CNTN4: variants seen among roughly 807,000 people sequenced by gnomAD.
The protein encoded by CNTN4 is contactin-4.
A neutral mutation model predicts 122.5 loss-of-function variants in CNTN4; 77 were observed. That is an observed-to-expected ratio of 0.63 (90% CI 0.52 to 0.76). The LOEUF (loss-of-function observed/expected upper bound fraction) is 0.76, where lower values mean the gene tolerates loss of function less well. Ranked by LOEUF, CNTN4 falls within the 30% of genes least tolerant of loss-of-function variation. The pLI is 0.00. For missense variants in CNTN4, 1,256 were observed against 1,259.1 expected (o/e 1.00, Z 0.04); for synonymous variants, 512 against 447.0 (o/e 1.15, Z -1.83).
At chr3:2,837,531 C>G (rs1219130791) in intron 7 of CNTN4, among the ~76,000 whole-genome samples, 2 of 152,160 alleles carry the variant, frequency 1.3e-5, no homozygotes, top group African/African-American at 2.4e-5. Context: ...CAGCAACGGT[C>G]AGACTACTTG....
At chr3:2,786,802 G>A (rs1326028277) in intron 6 of CNTN4, among the ~76,000 whole-genome samples, 1 of 152,168 alleles carries the variant, frequency 6.6e-6, no homozygotes, top group Non-Finnish European at 1.5e-5. Flanking sequence ...TCTGTGAAGT[G>A]CAATTGAATG....
intron 2 of CNTN4, among the ~76,000 whole-genome samples, chr3:2,176,001 G>A (rs756909164): frequency 1.3e-5 from 2 of 152,124 alleles, no homozygotes; most frequent in Non-Finnish European, 2.9e-5. Flanking sequence ...TTTATTCCAT[G>A]TATGTGAAAA....
At chr3:2,737,441 C>G (rs1394280411) in intron 5 of CNTN4, among the ~76,000 whole-genome samples, 1 of 152,156 alleles carries the variant, frequency 6.6e-6, no homozygotes, top group Non-Finnish European at 1.5e-5. Context: ...ATGATTGTTT[C>G]CTGAAAAGCT....
chr3:2,787,237 G>A lies in CNTN4; in HGVS notation c.359-32249G>A, dbSNP rs1364884119. ...ATTAAAAATACAAAAACAGCCAGTC[G>A]TGGTGGCGGGCGCCTGTAGTCCCAG... On this transcript the variant is annotated intron_variant, in intron 6 of 24. Coordinates refer to ENST00000418658, the MANE Select transcript of CNTN4 (RefSeq NM_175607.3). Among the ~76,000 whole-genome samples, 4 of 152,172 alleles carry A rather than the reference G, an allele frequency of 2.6e-5. No homozygotes were observed. In the South Asian group the frequency reaches 6.2e-4, roughly 24 times the overall value.
rs185105935 is a variant in CNTN4, at chr3:3,019,371, A to T, written c.1487-6731A>T. On this transcript the variant is annotated intron_variant, in intron 14 of 24. Coordinates refer to ENST00000418658, the MANE Select transcript of CNTN4 (RefSeq NM_175607.3). Reference sequence around the variant, plus strand: ...CCAGGCTGGAGTGCATTGGTGCGACACTGCAACCTCCACCTCCTGAGTTCA... The same window carrying T: ...CCAGGCTGGAGTGCATTGGTGCGACTCTGCAACCTCCACCTCCTGAGTTCA... Among the ~76,000 whole-genome samples, 920 of 152,222 alleles carry T rather than the reference A, an allele frequency of 6.0e-3. 9 individuals are homozygous for T. The highest frequency in any genetic ancestry group is 0.021 in the African/African-American group (855 of 41,530).
chr3:2,702,544 A>G (rs1206031422), intron 4 of CNTN4, among the ~76,000 whole-genome samples: 1 of 152,248 alleles, frequency 6.6e-6, no homozygotes, highest in African/African-American at 2.4e-5. Context: ...CATGCAGATA[A>G]TTAGGCAAAA....
intron 5 of CNTN4, among the ~76,000 whole-genome samples, chr3:2,737,687 T>A (rs2089217838): frequency 6.6e-6 from 1 of 152,178 alleles, no homozygotes; most frequent in South Asian, 2.1e-4. Flanking sequence ...AAACTACAAG[T>A]ATGAATTGAG....
intron 3 of CNTN4, among the ~76,000 whole-genome samples, chr3:2,423,199 TTGCC>T (rs1313737284): frequency 1.3e-5 from 2 of 152,230 alleles, no homozygotes; most frequent in Non-Finnish European, 2.9e-5. Flanking sequence ...TCACAAGTTG[TTGCC>T]TTTCTTTCTT....
chr3:2,437,052 T>G (rs1054946666), intron 3 of CNTN4, among the ~76,000 whole-genome samples: 2 of 152,042 alleles, frequency 1.3e-5, no homozygotes, highest in African/African-American at 4.8e-5. Context: ...ATGTTTACTT[T>G]GTGTATAGAT....
intron 12 of CNTN4, among the ~76,000 whole-genome samples, chr3:2,913,464 G>C (rs1397756957): frequency 1.3e-5 from 2 of 152,154 alleles, no homozygotes; most frequent in Admixed American, 1.3e-4. Flanking sequence ...TGAAAGAATA[G>C]AGGAAAATAA....
rs1008666043 is a variant in CNTN4 at position 2,520,506 on chromosome 3, T to C, written c.-88-50910T>C. On this transcript the variant is annotated intron_variant, in intron 3 of 24. Transcript: ENST00000418658. ...CCAGGCTGGTCTCGAACTCCTGACC[T>C]CTGGTGATCCACCTACCTCTGCCTC... Among the ~76,000 whole-genome samples, 12 of 152,074 alleles carry C rather than the reference T, an allele frequency of 7.9e-5. No homozygotes were observed. In the East Asian group the frequency reaches 2.3e-3, roughly 29 times the overall value.
intron 13 of CNTN4, among the ~76,000 whole-genome samples, chr3:2,976,028 C>T (rs759344218): frequency 3.3e-5 from 5 of 152,116 alleles, no homozygotes; most frequent in Non-Finnish European, 7.4e-5. Context: ...AAATTTTAGG[C>T]AAAATGACAT....
chr3:2,731,596 A>G (rs1039360067), intron 4 of CNTN4, among the ~76,000 whole-genome samples: 3 of 152,110 alleles, frequency 2.0e-5, no homozygotes, highest in Non-Finnish European at 4.4e-5. Flanking sequence ...TCCTCTTAAC[A>G]TGATTTTTAG....
chr3:2,750,495 C>G (rs547388031), intron 6 of CNTN4, among the ~76,000 whole-genome samples: 1 of 152,278 alleles, frequency 6.6e-6, no homozygotes, highest in Admixed American at 6.5e-5. Flanking sequence ...CTTCCTCCCA[C>G]TTTTTAAAGT....
At chr3:2,869,583 C>T (rs1036015758) in intron 8 of CNTN4, among the ~76,000 whole-genome samples, 3 of 152,174 alleles carry the variant, frequency 2.0e-5, no homozygotes, top group South Asian at 2.1e-4. Flanking sequence ...CATAACTTCT[C>T]CCTTGGCAAC....
At chr3:2,573,043 T>C (rs774819770) in intron 4 of CNTN4, among the ~76,000 whole-genome samples, 6 of 152,156 alleles carry the variant, frequency 3.9e-5, no homozygotes, top group Non-Finnish European at 8.8e-5. Flanking sequence ...GACTGAAGCA[T>C]CAGGAAGTTA....
chr3:2,506,331 C>G (rs2076730574), intron 3 of CNTN4, among the ~76,000 whole-genome samples: 1 of 152,190 alleles, frequency 6.6e-6, no homozygotes, highest in Non-Finnish European at 1.5e-5. Context: ...GCCGAAGAGT[C>G]CGTGGAGCAC....
intron 2 of CNTN4, among the ~76,000 whole-genome samples, chr3:2,115,765 C>T (rs2125162988): frequency 6.6e-6 from 1 of 152,324 alleles, no homozygotes; most frequent in Middle Eastern, 3.4e-3. Context: ...CTTTTAAAAG[C>T]TTGTGCCTTC....
intron 2 of CNTN4, among the ~76,000 whole-genome samples, chr3:2,190,791 A>G (rs73098033): frequency 0.025 from 3,710 of 150,708 alleles, 147 homozygotes; most frequent in African/African-American, 0.086. Context: ...ATACAGCTTA[A>G]GGTGAGGACT....
Sources: allele counts gnomAD v4.1 joint callset (sites outside exome capture counted in the v4.1 genomes callset), GRCh38; gene constraint gnomAD v4.1.1; transcripts MANE v1.5; gene names NCBI Gene and HGNC (gene_info 2026-07-23, HGNC 2026-07-21).